Variants in LINGO1 observed in about 807,000 individuals in gnomAD.
The protein encoded by LINGO1 is leucine-rich repeat and immunoglobulin-like domain-containing nogo receptor-interacting protein 1.
Under a neutral mutation model 37.3 loss-of-function variants are expected in LINGO1, and 11 were observed. The observed-to-expected ratio is 0.29, with a 90% CI of 0.19 to 0.49. LINGO1 has a LOEUF of 0.49. Ranked by LOEUF, LINGO1 falls within the 20% of genes least tolerant of loss-of-function variation. The pLI is 0.99. For synonymous variants in LINGO1, 387 were observed against 403.0 expected, an observed-to-expected ratio of 0.96 and a Z score of 0.48; for missense variants, 585 against 878.2, an observed-to-expected ratio of 0.67 and a Z score of 4.22.
At position 77,632,458 on chromosome 15, in the gene LINGO1, G is replaced by C; in HGVS notation, c.-143C>G. ...TCCGCCCGGCAGTCCGCGCGCCCTC[G>C]CGGGGCTGGCTGTCCGTCTGTCCGC... On this transcript the variant is annotated 5_prime_UTR_variant, in exon 1 of 2. Coordinates refer to ENST00000355300, the MANE Select transcript of LINGO1 (RefSeq NM_032808.7). The surrounding 1 kb of genome is among the most constrained non-coding windows in gnomAD (Gnocchi z 6.0). 1.1e-6 allele frequency: 1 copy of C among 881,548 alleles called. No individual in the cohort carries two copies. Among genetic ancestry groups the C allele is most frequent in the Non-Finnish European group, 1.5e-6 (1 of 671,230 alleles). The allele number at this position is 881,548 out of a possible 1,614,324, so 54.6% of individuals were successfully genotyped here.
At chr15:77,713,068 G>T (rs1416089742) in intron 2 of LINGO1, among the ~76,000 whole-genome samples, 1 of 151,868 alleles carries the variant, frequency 6.6e-6, no homozygotes, top group African/African-American at 2.4e-5. Flanking sequence ...TTTGAGACAG[G>T]ATCTTACTCT....
At chr15:77,673,971 T>G (rs2075290607) in intron 3 of LINGO1, among the ~76,000 whole-genome samples, 2 of 152,154 alleles carry the variant, frequency 1.3e-5, no homozygotes, top group Non-Finnish European at 2.9e-5. Context: ...TCACCCGTTT[T>G]CACTGTGCTC....
chr15:77,715,301 C>A (rs1382984520), intron 2 of LINGO1, among the ~76,000 whole-genome samples: 1 of 152,188 alleles, frequency 6.6e-6, no homozygotes, highest in Non-Finnish European at 1.5e-5. Context: ...GCTTGGGGGC[C>A]TAGGAGGGGT....
At chr15:77,682,546 A>C (rs1480247566) in intron 2 of LINGO1, among the ~76,000 whole-genome samples, 1 of 151,966 alleles carries the variant, frequency 6.6e-6, no homozygotes, top group African/African-American at 2.4e-5. Flanking sequence ...GGCATCAGTC[A>C]TGTAGCCCCC....
At chr15:77,752,086 T>C (rs983217094) in intron 1 of LINGO1, among the ~76,000 whole-genome samples, 3 of 152,208 alleles carry the variant, frequency 2.0e-5, no homozygotes, top group African/African-American at 7.2e-5. Context: ...CCAGGATCTA[T>C]GTCATCCCAA....
At chr15:77,676,922 C>T (rs537522975) in intron 3 of LINGO1, among the ~76,000 whole-genome samples, 6 of 152,322 alleles carry the variant, frequency 3.9e-5, no homozygotes, top group African/African-American at 1.4e-4. Context: ...GGAGGCCCCT[C>T]TGCTGCTAGG....
intron 2 of LINGO1, among the ~76,000 whole-genome samples, chr15:77,684,541 C>T (rs1027170433): frequency 6.6e-6 from 1 of 152,238 alleles, no homozygotes; most frequent in African/African-American, 2.4e-5. Context: ...ACTGCTCCCC[C>T]ACCACTGCAG....
intron 1 of LINGO1, among the ~76,000 whole-genome samples, chr15:77,747,152 G>A (rs936967803): frequency 3.3e-5 from 5 of 152,158 alleles, no homozygotes; most frequent in Middle Eastern, 3.2e-3. Context: ...GCAGGCCCAG[G>A]ACTGCTCCTC....
chr15:77,698,674 C>A (rs1407105099), upstream of LINGO1, among the ~76,000 whole-genome samples: 1 of 152,142 alleles, frequency 6.6e-6, no homozygotes, highest in East Asian at 1.9e-4. Flanking sequence ...TGGAAGGAGG[C>A]ACAGTCGCTG....
At chr15:77,800,166 G>A (rs946100012) in intron 1 of LINGO1, among the ~76,000 whole-genome samples, 1 of 152,232 alleles carries the variant, frequency 6.6e-6, no homozygotes, top group South Asian at 2.1e-4. Flanking sequence ...CTTCCAGAGA[G>A]AGAACCAGGC....
intron 1 of LINGO1, among the ~76,000 whole-genome samples, chr15:77,752,043 T>C (rs1451386320): frequency 6.6e-6 from 1 of 152,230 alleles, no homozygotes; most frequent in Non-Finnish European, 1.5e-5. Context: ...CCCAAGGCCA[T>C]GAGGCCTGCA....
At chr15:77,672,003 T>G (rs1042508743) in intron 3 of LINGO1, among the ~76,000 whole-genome samples, 30 of 110,842 alleles carry the variant, frequency 2.7e-4, no homozygotes, top group African/African-American at 8.8e-4. Flanking sequence ...AGCCTCTGCC[T>G]CCTCCTCCTC....
upstream of LINGO1, among the ~76,000 whole-genome samples, chr15:77,791,860 G>C (rs2076821058): frequency 6.6e-6 from 1 of 152,124 alleles, no homozygotes; most frequent in African/African-American, 2.4e-5. Context: ...CGAGCTGGTA[G>C]CAGTTTCTCC....
At chr15:77,743,184 C>A (rs1007032857) in intron 1 of LINGO1, among the ~76,000 whole-genome samples, 1 of 152,148 alleles carries the variant, frequency 6.6e-6, no homozygotes, top group Non-Finnish European at 1.5e-5. Context: ...CCAGGAGGGC[C>A]TCACTGAGGA....
chr15:77,778,536 CTCAGA>C (rs1424311775), intron 1 of LINGO1, among the ~76,000 whole-genome samples: 1 of 152,222 alleles, frequency 6.6e-6, no homozygotes, highest in Non-Finnish European at 1.5e-5. Flanking sequence ...GACTTCCCCT[CTCAGA>C]TCAGATAGGT....
At chr15:77,776,511 A>AGGCAGGAC in intron 1 of LINGO1, among the ~76,000 whole-genome samples, 1 of 75,374 alleles carries the variant, frequency 1.3e-5, no homozygotes. Context: ...GAAGGCAGGA[A>AGGCAGGAC]GGCAGGAAGG....
At chr15:77,616,929 C>T (rs1489346749) in intron 1 of LINGO1, among the ~76,000 whole-genome samples, 1 of 152,184 alleles carries the variant, frequency 6.6e-6, no homozygotes, top group Admixed American at 6.5e-5. Flanking sequence ...ACCTGTCTGT[C>T]TCTCAGGGCT....
At chr15:77,691,396 T>C (rs892537611) in intron 1 of LINGO1, among the ~76,000 whole-genome samples, 5 of 152,140 alleles carry the variant, frequency 3.3e-5, no homozygotes, top group African/African-American at 7.2e-5. Context: ...ATAGTACCCA[T>C]TGCCCTTCCC....
In LINGO1 at chr15:77,777,057, C is replaced by T. The variant is rs551502964; in HGVS notation, c.-257+9812G>A. Among the ~76,000 whole-genome samples, 4 of 152,276 alleles carry T rather than the reference C, an allele frequency of 2.6e-5. No individual in the cohort carries two copies. The East Asian group carries it at 7.7e-4, about 29-fold the overall frequency. ...GCAAATCTCAGTCCCGTGCCAGGGCCCACCCTGCAGAGACGACCCTCATTG... is the reference window on the plus strand; with the variant it reads ...GCAAATCTCAGTCCCGTGCCAGGGCTCACCCTGCAGAGACGACCCTCATTG... On this transcript the variant is annotated intron_variant, in intron 1 of 3. Transcript: ENST00000561686.
Sources: gnomAD v4.1 joint callset for allele counts (sites outside exome capture counted in the v4.1 genomes callset) on GRCh38, gnomAD v4.1.1 for gene constraint, Gnocchi (gnomAD v3.1) non-coding constraint, MANE v1.5 for transcripts, NCBI Gene and HGNC (gene_info 2026-07-23, HGNC 2026-07-21) for gene names.